The following PNKP variants were observed in gnomAD, a reference collection of about 807,000 sequenced individuals.
PNKP encodes polynucleotide kinase 3'-phosphatase.
In PNKP, 82 loss-of-function variants were observed where a neutral mutation model predicts 66.2. The observed-to-expected ratio is 1.24, with a 90% CI of 1.04 to 1.49. The LOEUF (loss-of-function observed/expected upper bound fraction) is 1.49. PNKP is among the 40% of genes most tolerant of loss of function. The pLI is 0.00. For missense variants in PNKP, 907 were observed against 706.8 expected, an observed-to-expected ratio of 1.28 and a Z score of -3.21; for synonymous variants, 412 against 298.9, an observed-to-expected ratio of 1.38 and a Z score of -3.90.
chr19:49,861,219 G>C lies in PNKP; in HGVS notation c.*29C>G, dbSNP rs900554852. 2.1e-6 allele frequency: 3 copies of C among 1,453,116 alleles called. No individual in the cohort carries two copies. The highest frequency in any genetic ancestry group is 2.3e-5 in the South Asian group (2 of 87,868). 90.0% of individuals were successfully genotyped at this position (1,453,116 alleles called of 1,614,324 possible). ...CCGGCCAAGCTCAAGGAGAAACAGC[G>C]TTTATTGTGGAGGGGAGCTGGGCGG... On this transcript the variant is annotated 3_prime_UTR_variant, in exon 17 of 17. Coordinates refer to ENST00000322344, the MANE Select transcript of PNKP (RefSeq NM_007254.4).
Position 49,861,500 on chromosome 19 carries a change from ATC to A in PNKP, c.1395_1396del (p.Glu465AspfsTer28), listed in dbSNP as rs1413085852. On this transcript the variant is annotated frameshift_variant, in exon 16 of 17. Coordinates refer to ENST00000322344, the MANE Select transcript of PNKP (RefSeq NM_007254.4). LOFTEE classifies it high-confidence loss of function. ...CACGGGGATATGAGAGGAGTCCGTC[ATC>A]TCTCGAAACTGTGGGGAACATCAGA... 5 of 1,610,166 alleles carry A rather than the reference ATC, an allele frequency of 3.1e-6. No individual in the cohort carries two copies. The highest frequency in any genetic ancestry group is 1.4e-5 in the African/African-American group (1 of 73,752).
In PNKP at chr19:49,861,246, G is replaced by C. The variant is rs1470578550; in HGVS notation, c.*2C>G. 3.2e-6 allele frequency: 5 copies of C among 1,573,884 alleles called. No homozygotes were observed. The highest frequency in any genetic ancestry group is 1.7e-4 in the Middle Eastern group (1 of 5,888). Reference sequence around the variant, plus strand: ...TTATTGTGGAGGGGAGCTGGGCGGGGCTCAGCCCTCGGAGAACTGGCAGTA... The same window carrying C: ...TTATTGTGGAGGGGAGCTGGGCGGGCCTCAGCCCTCGGAGAACTGGCAGTA... On this transcript the variant is annotated 3_prime_UTR_variant, in exon 17 of 17. Transcript: ENST00000322344.
Position 49,867,200 on chromosome 19 carries a change from C to T in PNKP, c.5G>A (p.Gly2Asp), listed in dbSNP as rs1293114265. ...CAAGCGGCCCGGGGCCTCCACCTCG[C>T]CCATCCTGGGTGCCGGCCTGGGGAG... The part of the protein sequence containing the change: M[G>D]EVEAPGRLWL... The change falls in exon 2 of 17, where the codon GGC becomes GAC. Residue 2 changes from glycine to aspartate, a missense_variant. Physicochemically the swap from Gly to Asp is moderately conservative, Grantham distance 94. Coordinates refer to ENST00000322344, the MANE Select transcript of PNKP (RefSeq NM_007254.4). The T allele has an allele frequency of 3.1e-6, 5 of 1,610,764 alleles. 1 individual carries two copies. The South Asian group carries it at 5.5e-5, about 18-fold the overall frequency.
At chr19:49,864,898 C>G (rs186026098) in intron 4 of PNKP, among the ~76,000 whole-genome samples, 1 of 152,340 alleles carries the variant, frequency 6.6e-6, no homozygotes, top group Non-Finnish European at 1.5e-5. Flanking sequence ...ATAGCTCCTA[C>G]TGAGACAGTC....
Position 49,862,424 on chromosome 19 carries a change from C to CAGAA in PNKP, c.975_976insTTCT (p.Glu326PhefsTer2), listed in dbSNP as rs2074781721. ...GCTGCTGGCCACTTGAGAAAGAACT[C>CAGAA]CTCAGGCGTGGCGAAGGGCAGGCCA... On this transcript the variant is annotated frameshift_variant, in exon 11 of 17. Transcript: ENST00000322344. LOFTEE classifies it high-confidence loss of function. 1 of 1,576,940 alleles carries CAGAA rather than the reference C, an allele frequency of 6.3e-7. No homozygotes were observed. The highest frequency in any genetic ancestry group is 1.8e-5 in the Admixed American group (1 of 54,520).
rs761948305 is a variant in PNKP, at chr19:49,866,419, G to A, written c.178C>T (p.Arg60Trp). The A allele has an allele frequency of 5.6e-6, 9 of 1,614,010 alleles. No individual in the cohort carries two copies. The highest frequency in any genetic ancestry group is 4.0e-5 in the African/African-American group (3 of 74,922). ...QVELVADPET[R>W]TVAVKQLGVN... ...GATACCTGTTTCACTGCCACTGTCC[G>A]GGTCTCAGGATCTGCGACCAGCTCC... Residue 60 changes from arginine to tryptophan, a missense_variant, in exon 3 of 17, where the codon CGG becomes TGG. Arg to Trp is a moderately radical substitution (Grantham distance 101, BLOSUM62 -3). Transcript: ENST00000322344.
Position 49,867,050 on chromosome 19 carries a change from TCACCTTGA to T in PNKP, c.147_151+3del, listed in dbSNP as rs760953089. 1 of 1,613,754 alleles carries T rather than the reference TCACCTTGA, an allele frequency of 6.2e-7. No individual in the cohort carries two copies. Among genetic ancestry groups the T allele is most frequent in the Non-Finnish European group, 8.5e-7 (1 of 1,179,840 alleles). On this transcript the variant is annotated splice_donor_variant and splice_donor_region_variant and coding_sequence_variant and intron_variant, in exon 2 of 17. Transcript: ENST00000322344. LOFTEE classifies it high-confidence loss of function. The stretch of plus-strand genomic sequence containing the variant: ...ACACCCCCTCCAGCTCAGGCCCCGC[TCACCTTGA>T]GTTCTGGAGCACTTCCGGTCCGTAA...
intron 11 of PNKP, 32 bp downstream of exon 11, chr19:49,862,339 T>TAC (rs2122326237): frequency 1.0e-6 from 1 of 953,986 alleles, no homozygotes; most frequent in Non-Finnish European, 1.6e-6. Flanking sequence ...AGCCCTCCCA[T>TAC]CCCCACCCCC....
intron 3 of PNKP, 156 bp from the exon 4 acceptor site, chr19:49,865,582 T>TTTTCAGCC: frequency 1.7e-6 from 1 of 596,018 alleles, no homozygotes; most frequent in Non-Finnish European, 3.0e-6. Context: ...CGGTTACAGG[T>TTTTCAGCC]TTTCAGCCTT....
rs545573584 is a variant in PNKP at position 49,864,407 on chromosome 19, G to A, written c.499-4C>T. 6.2e-7 allele frequency: 1 copy of A among 1,611,308 alleles called. No homozygotes were observed. The highest frequency in any genetic ancestry group is 1.1e-5 in the South Asian group (1 of 91,036). On this transcript the variant is annotated splice_polypyrimidine_tract_variant and splice_region_variant and intron_variant, in intron 4 of 16. Coordinates refer to ENST00000322344, the MANE Select transcript of PNKP (RefSeq NM_007254.4). The stretch of plus-strand genomic sequence containing the variant: ...CGTCCAGATCAAAGCCAGCCACCTG[G>A]TGTCACCAAGGAAAGACAAACAGCA...
Position 49,861,871 on chromosome 19 carries a change from C to G in PNKP, c.1199G>C (p.Gly400Ala). 1 of 1,588,494 alleles carries G rather than the reference C, an allele frequency of 6.3e-7. No homozygotes were observed. The change falls in exon 14 of 17, where the codon GGC becomes GCC. Residue 400 changes from glycine to alanine, a missense_variant. Physicochemically the swap from Gly to Ala is moderately conservative, Grantham distance 60. Coordinates refer to ENST00000322344, the MANE Select transcript of PNKP (RefSeq NM_007254.4). ...CGTGGTCACACAGCGCTGCCAGGAG[C>G]CTAGCGTGTCCTGGGGACACGAGAG... ...GYVHVNRDTL[G>A]SWQRCVTTCE...
intron 4 of PNKP, 83 bp downstream of exon 4, chr19:49,865,044 G>A (rs959821309): frequency 9.6e-6 from 11 of 1,147,528 alleles, no homozygotes; most frequent in African/African-American, 3.1e-5. Flanking sequence ...GTAAGTAGAG[G>A]CTAAAAAGTT....
In PNKP at chr19:49,861,518, G is replaced by GA; in HGVS notation, c.1387-9dup. 1 of 1,439,760 alleles carries GA rather than the reference G, an allele frequency of 6.9e-7. No individual in the cohort carries two copies. Among genetic ancestry groups the GA allele is most frequent in the Non-Finnish European group, 9.4e-7 (1 of 1,068,640 alleles). 89.2% of individuals were successfully genotyped at this position (1,439,760 alleles called of 1,614,324 possible). A position where few individuals can be genotyped will look rare whatever the true frequency, so the allele number is the denominator to read the frequency against. On this transcript the variant is annotated splice_polypyrimidine_tract_variant and intron_variant, in intron 15 of 16. Coordinates refer to ENST00000322344, the MANE Select transcript of PNKP (RefSeq NM_007254.4). The stretch of plus-strand genomic sequence containing the variant: ...GTCCGTCATCTCTCGAAACTGTGGG[G>GA]AACATCAGAGGGGCGGCAGGCCCAG...
Position 49,861,555 on chromosome 19 carries a change from G to A in PNKP, c.1387-45C>T. On this transcript the variant is annotated intron_variant, in intron 15 of 16. Coordinates refer to ENST00000322344, the MANE Select transcript of PNKP (RefSeq NM_007254.4). Reference sequence around the variant, plus strand: ...GGCGGCAGGCCCAGGGGTCAGGGGAGGAGGGGGGTCAGGGGGTGCAGCCCG... The same window carrying A: ...GGCGGCAGGCCCAGGGGTCAGGGGAAGAGGGGGGTCAGGGGGTGCAGCCCG... 3 of 1,580,146 alleles carry A rather than the reference G, an allele frequency of 1.9e-6. No homozygotes were observed. Among genetic ancestry groups the A allele is most frequent in the Non-Finnish European group, 2.6e-6 (3 of 1,163,678 alleles).
At chr19:49,863,901 C>G in intron 7 of PNKP, 63 bp downstream of exon 7, 4 of 1,451,456 alleles carry the variant, frequency 2.8e-6, no homozygotes, top group Non-Finnish European at 3.8e-6. Context: ...ACCCTGGAGT[C>G]TAAAGCCCTC....
In PNKP at chr19:49,861,507, G is replaced by C. The variant is rs138249970; in HGVS notation, c.1390C>G (p.Arg464Gly). 9 of 1,554,714 alleles carry C rather than the reference G, an allele frequency of 5.8e-6. No individual in the cohort carries two copies. The highest frequency in any genetic ancestry group is 7.9e-6 in the Non-Finnish European group (9 of 1,143,906). The change falls in exon 16 of 17, where the codon CGA becomes GGA. Residue 464 changes from arginine (R) to glycine (G), a missense_variant. Transcript: ENST00000322344. ...ATATGAGAGGAGTCCGTCATCTCTC[G>C]AAACTGTGGGGAACATCAGAGGGGC... Reference protein sequence around the residue: ...LEQARHNNRFREMTDSSHIPV... With the variant: ...LEQARHNNRFGEMTDSSHIPV...
chr19:49,861,318 A>AGGAT lies in PNKP; in HGVS notation c.1492_1495dup (p.Leu499HisfsTer40). 6.2e-7 allele frequency: 1 copy of AGGAT among 1,614,150 alleles called. No homozygotes were observed. Among genetic ancestry groups the AGGAT allele is most frequent in the Non-Finnish European group, 8.5e-7 (1 of 1,180,010 alleles). On this transcript the variant is annotated frameshift_variant, in exon 17 of 17. Transcript: ENST00000322344. LOFTEE classifies it high-confidence loss of function. ...CACCCATAGCCGGAACGGGATCTCCAGGATGGCAGAGAAGCCTTCAGCCAG... is the reference window on the plus strand; with the variant it reads ...CACCCATAGCCGGAACGGGATCTCCAGGATGGATGGCAGAGAAGCCTTCAGCCAG...
intron 2 of PNKP, 25 bp downstream of exon 2, chr19:49,867,029 C>A: frequency 1.9e-6 from 3 of 1,611,882 alleles, no homozygotes; most frequent in East Asian, 2.2e-5. Flanking sequence ...CAGGCCACAC[C>A]CCCTCCAGCT....
Position 49,861,291 on chromosome 19 carries a change from T to C in PNKP, c.1523A>G (p.Glu508Gly). Residue 508 changes from glutamate to glycine, a missense_variant, in exon 17 of 17, where the codon GAG becomes GGG. Transcript: ENST00000322344. ...GCAGTACAGCCGCCCCAGCCTCGGC[T>C]CCACCCATAGCCGGAACGGGATCTC... Reference protein sequence around the residue: ...ILEIPFRLWVEPRLGRLYCQF... With the variant: ...ILEIPFRLWVGPRLGRLYCQF... The C allele has an allele frequency of 6.2e-7, 1 of 1,613,886 alleles. No individual in the cohort carries two copies. The highest frequency in any genetic ancestry group is 8.5e-7 in the Non-Finnish European group (1 of 1,179,918).
Sources: allele counts gnomAD v4.1 joint callset (sites outside exome capture counted in the v4.1 genomes callset), GRCh38; gene constraint gnomAD v4.1.1; transcripts MANE v1.5; gene names NCBI Gene and HGNC (gene_info 2026-07-23, HGNC 2026-07-21).